The following EOGT variants were observed in gnomAD, a reference collection of about 807,000 sequenced individuals.
EOGT encodes EGF domain specific O-linked N-acetylglucosamine transferase.
In EOGT, 55 loss-of-function variants were observed where a neutral mutation model predicts 70.5. The ratio of observed to expected loss-of-function variants is 0.78; its 90% CI spans 0.63 to 0.98. The LOEUF (loss-of-function observed/expected upper bound fraction) is 0.98, where lower values mean the gene tolerates loss of function less well. Among genes scored for constraint, EOGT ranks in the 50% least tolerant of loss-of-function variants. The pLI, the probability that EOGT is intolerant of heterozygous loss-of-function variation, is 0.00. For synonymous variants in EOGT, 246 were observed against 217.1 expected, an observed-to-expected ratio of 1.13 and a Z score of -1.17; for missense variants, 703 against 641.9, an observed-to-expected ratio of 1.10 and a Z score of -1.03.
chr3:68,988,237 G>A (rs1416384191), intron 13 of EOGT, 58 bp downstream of exon 13: 11 of 1,195,160 alleles, frequency 9.2e-6, no homozygotes, highest in East Asian at 2.5e-5. Context: ...AGGTGGTATC[G>A]ATTTTTATTA....
rs762276979 is a variant in EOGT at position 69,001,611 on chromosome 3, C to T, written c.724G>A (p.Ala242Thr). The change falls in exon 9 of 18, where the codon GCA (alanine) becomes ACA (threonine). Residue 242 changes from alanine to threonine, a missense_variant. Coordinates refer to ENST00000383701, the MANE Select transcript of EOGT (RefSeq NM_001278689.2). ...EKPTYFMKLD[A>T]GVNMYHHFCD... The stretch of plus-strand genomic sequence containing the variant: ...AACAGAAAAAGTTATTTCTCACCTG[C>T]ATCTAATTTCATGAAATATGTTGGT... 1.3e-6 allele frequency: 2 copies of T among 1,580,650 alleles called. No homozygotes were observed. The highest frequency in any genetic ancestry group is 2.3e-5 in the South Asian group (2 of 88,564).
At chr3:68,989,072 T>A in intron 10 of EOGT, 55 bp from the exon 11 acceptor site, 2 of 990,244 alleles carry the variant, frequency 2.0e-6, no homozygotes, top group Non-Finnish European at 2.9e-6. Context: ...TAACATGACT[T>A]TTCAAAGATG....
chr3:68,985,259 C>T (rs1033516458), intron 14 of EOGT, among the ~76,000 whole-genome samples: 1 of 152,166 alleles, frequency 6.6e-6, no homozygotes, highest in Non-Finnish European at 1.5e-5. Context: ...TAAACACACA[C>T]ATACAAACAC....
chr3:68,982,797 T>A lies in EOGT; in HGVS notation c.1214+14A>T. ...AAAAGTTGACAGTGTCTGCTGAGAT[T>A]GGCTATTACTTACCTATACTTGTAA... On this transcript the variant is annotated intron_variant, in intron 15 of 17. Transcript: ENST00000383701. 6.3e-7 allele frequency: 1 copy of A among 1,587,626 alleles called. No individual in the cohort carries two copies. Among genetic ancestry groups the A allele is most frequent in the South Asian group, 1.2e-5 (1 of 86,518 alleles).
chr3:69,012,022 G>C (rs2107422737), intron 2 of EOGT, 31 bp from the exon 3 acceptor site: 1 of 152,182 alleles, frequency 6.6e-6, no homozygotes, highest in East Asian at 1.9e-4. Flanking sequence ...TACCTTAAAA[G>C]GATGCTAAAG....
intron 6 of EOGT, among the ~76,000 whole-genome samples, chr3:69,006,332 T>C (rs1376439167): frequency 2.6e-5 from 4 of 152,230 alleles, no homozygotes; most frequent in Non-Finnish European, 5.9e-5. Context: ...TTCACCTTGC[T>C]AGAATGCTCA....
In EOGT at chr3:68,987,484, T is replaced by A; in HGVS notation, c.1113A>T (p.Ala371=). 6.2e-7 allele frequency: 1 copy of A among 1,614,000 alleles called. No individual in the cohort carries two copies. Among genetic ancestry groups the A allele is most frequent in the Non-Finnish European group, 8.5e-7 (1 of 1,179,950 alleles). ...GGATTTTCCGGTATTCTGTGCTCCG[T>A]GCAAGAATGGTGACTCGAATTTTTC... ...KDGKIRVTIL[A]RSTEYRKILN... The change falls in exon 14 of 18, where the codon GCA becomes GCT. Residue 371 remains alanine, a synonymous_variant. Coordinates refer to ENST00000383701, the MANE Select transcript of EOGT (RefSeq NM_001278689.2).
At chr3:68,997,504 G>C (rs1443708154) in intron 10 of EOGT, among the ~76,000 whole-genome samples, 1 of 151,994 alleles carries the variant, frequency 6.6e-6, no homozygotes, top group Non-Finnish European at 1.5e-5. Flanking sequence ...GAGTAGCTGG[G>C]ACAACATGTG....
intron 14 of EOGT, among the ~76,000 whole-genome samples, chr3:68,984,678 T>C (rs527725529): frequency 2.6e-5 from 4 of 152,170 alleles, no homozygotes. Flanking sequence ...TGGCTTGGAG[T>C]TGGGGGCTGA....
chr3:68,989,678 G>T (rs945052595), intron 10 of EOGT, among the ~76,000 whole-genome samples: 3 of 151,082 alleles, frequency 2.0e-5, no homozygotes, highest in South Asian at 2.1e-4. Flanking sequence ...AACCTGGGAG[G>T]CGGGGGTTGC....
intron 3 of EOGT, among the ~76,000 whole-genome samples, chr3:69,011,273 T>C (rs1208165262): frequency 1.3e-5 from 2 of 149,118 alleles, no homozygotes; most frequent in Admixed American, 1.4e-4. Context: ...AGGACTGCTG[T>C]TTCCTGGGTC....
In EOGT at chr3:68,977,645, T is replaced by C; in HGVS notation, c.1557A>G (p.Pro519=). ...ATAGCTCATCATGTTTCTTCTTAAA[T>C]GGCCACTTTGGGTGTTGCAATACGT... The part of the protein sequence containing the change: ...ADHVLQHPKW[P]FKKKHDEL The change falls in exon 18 of 18, where the codon CCA becomes CCG. Residue 519 remains proline, a synonymous_variant. Transcript: ENST00000383701. The C allele has an allele frequency of 6.2e-7, 1 of 1,613,830 alleles. No homozygotes were observed. The highest frequency in any genetic ancestry group is 8.5e-7 in the Non-Finnish European group (1 of 1,179,898).
chr3:68,977,606 G>T lies in EOGT; in HGVS notation c.*12C>A. ...TTTAAACACTCTCTTTTTGCAAACA[G>T]ACTCAGCATATTTATAGCTCATCAT... On this transcript the variant is annotated 3_prime_UTR_variant, in exon 18 of 18. Coordinates refer to ENST00000383701, the MANE Select transcript of EOGT (RefSeq NM_001278689.2). 6.2e-7 allele frequency: 1 copy of T among 1,611,262 alleles called. No homozygotes were observed. Among genetic ancestry groups the T allele is most frequent in the South Asian group, 1.1e-5 (1 of 90,328 alleles).
chr3:68,980,667 G>A (rs1440129732), intron 15 of EOGT, among the ~76,000 whole-genome samples: 6 of 152,212 alleles, frequency 3.9e-5, no homozygotes, highest in Non-Finnish European at 5.9e-5. Flanking sequence ...CAAAAACTCC[G>A]CATAGGAAAA....
Position 69,012,795 on chromosome 3 carries a change from C to CA in EOGT, c.-352dup, listed in dbSNP as rs1285137009. 6.6e-6 allele frequency: 1 copy of CA among 152,208 alleles called. No individual in the cohort carries two copies. Among genetic ancestry groups the CA allele is most frequent in the Non-Finnish European group, 1.5e-5 (1 of 68,084 alleles). 9.4% of individuals were successfully genotyped at this position (152,208 alleles called of 1,614,324 possible). A position where few individuals can be genotyped will look rare whatever the true frequency, so the allele number is the denominator to read the frequency against. The stretch of plus-strand genomic sequence containing the variant: ...CCAGAAACCCTTGATTCGATTTCCA[C>CA]AGGCCTAATGAGGAAGGAAAAAAGG... On this transcript the variant is annotated 5_prime_UTR_variant, in exon 2 of 18. The change abolishes the stop of an existing upstream ORF in the 5' untranslated region. Coordinates refer to ENST00000383701, the MANE Select transcript of EOGT (RefSeq NM_001278689.2).
chr3:68,986,036 TG>T (rs2090796740), intron 14 of EOGT, among the ~76,000 whole-genome samples: 1 of 152,196 alleles, frequency 6.6e-6, no homozygotes, highest in Non-Finnish European at 1.5e-5. Flanking sequence ...GGCATCTCTC[TG>T]GCCCCACTTC....
chr3:69,002,650 A>T lies in EOGT; in HGVS notation c.621-936T>A, dbSNP rs565166497. On this transcript the variant is annotated intron_variant, in intron 8 of 17. Coordinates refer to ENST00000383701, the MANE Select transcript of EOGT (RefSeq NM_001278689.2). ...GGACAAAAAAAAAAAAGGTTTGCTC[A>T]GCATGAATTTCTTTTTTTTTTTGAG... 1.5e-4 allele frequency among the ~76,000 whole-genome samples: 22 copies of T among 145,284 alleles called. No homozygotes were observed. In the East Asian group the frequency reaches 4.5e-3, roughly 30 times the overall value.
Position 68,977,689 on chromosome 3 carries a change from C to T in EOGT, c.1513G>A (p.Val505Ile). 3.1e-6 allele frequency: 5 copies of T among 1,613,930 alleles called. No individual in the cohort carries two copies. Among genetic ancestry groups the T allele is most frequent in the Non-Finnish European group, 4.2e-6 (5 of 1,179,944 alleles). The change falls in exon 18 of 18, where the codon GTC becomes ATC. Residue 505 changes from valine to isoleucine, a missense_variant. By Grantham distance (29) the Val-to-Ile change is conservative. Coordinates refer to ENST00000383701, the MANE Select transcript of EOGT (RefSeq NM_001278689.2). ...SFDVEEFMYL[V>I]LQAADHVLQH... ...AATACGTGGTCTGCAGCCTGAAGGA[C>T]AAGATACATAAATTCTTCTACATCG...
At chr3:69,012,272 C>T (rs2091595421) in intron 2 of EOGT, 1 of 152,146 alleles carries the variant, frequency 6.6e-6, no homozygotes, top group Non-Finnish European at 1.5e-5. Context: ...TGGAACTGGC[C>T]AACAGGATAC....
Sources: gnomAD v4.1 joint callset for allele counts (sites outside exome capture counted in the v4.1 genomes callset) on GRCh38, gnomAD v4.1.1 for gene constraint, MANE v1.5 for transcripts, NCBI Gene and HGNC (gene_info 2026-07-23, HGNC 2026-07-21) for gene names.